ZNF790: variants seen among roughly 807,000 people sequenced by gnomAD.
The protein encoded by ZNF790 is zinc finger protein 790.
ZNF790 carries 8 observed loss-of-function variants against 12.1 expected under a neutral mutation model. The observed-to-expected ratio is 0.66, with a 90% confidence interval of 0.39 to 1.19. The LOEUF (loss-of-function observed/expected upper bound fraction) is 1.19, where lower values mean the gene tolerates loss of function less well. Ranked by LOEUF, ZNF790 falls within the 50% of genes most tolerant of loss-of-function variation. ZNF790 has a pLI of 0.01. For missense variants in ZNF790, 707 were observed against 752.2 expected (o/e 0.94, Z 0.70); for synonymous variants, 252 against 244.3 (o/e 1.03, Z -0.29).
intron 1 of ZNF790, among the ~76,000 whole-genome samples, chr19:36,836,531 G>A (rs1017714321): frequency 1.2e-4 from 19 of 152,114 alleles, no homozygotes; most frequent in African/African-American, 4.3e-4. Context: ...GGCCGAGGCG[G>A]GCGGATCACA....
At chr19:36,839,746 A>G (rs1314747605), upstream of ZNF790, among the ~76,000 whole-genome samples, 1 of 152,186 alleles carries the variant, frequency 6.6e-6, no homozygotes, top group Non-Finnish European at 1.5e-5. Context: ...TAGGGTATTA[A>G]TAATATCTTG....
At chr19:36,820,240 A>G in intron 4 of ZNF790, 126 bp from the exon 5 acceptor site, 1 of 964,010 alleles carries the variant, frequency 1.0e-6, no homozygotes, top group Non-Finnish European at 1.5e-6. Context: ...AAATTCTCAA[A>G]TATGAGCAAT....
At chr19:36,850,369 G>T (rs1373291384), upstream of ZNF790, 3 of 152,316 alleles carry the variant, frequency 2.0e-5, no homozygotes, top group African/African-American at 7.2e-5. Context: ...CGGGGTGAAA[G>T]AAAGCTTGCC....
chr19:36,827,471 G>A (rs2071852579), intron 1 of ZNF790, among the ~76,000 whole-genome samples: 1 of 151,998 alleles, frequency 6.6e-6, no homozygotes, highest in South Asian at 2.1e-4. Flanking sequence ...CTGTTTTTGC[G>A]ATTGTCTATT....
rs113612109 is a variant in ZNF790, at chr19:36,824,027, C to T, written c.10-237G>A. On this transcript the variant is annotated intron_variant, in intron 2 of 4. Transcript: ENST00000356725. ...TTTTTTTTTTTTGAGACAAGAGTCT[C>T]GCTCTGTCGCCCAGGCTGGAGTGCG... is the stretch of plus-strand genomic sequence containing the variant. 8.0e-3 allele frequency among the ~76,000 whole-genome samples: 1,021 copies of T among 127,448 alleles called. 13 individuals carry two copies. The highest frequency in any genetic ancestry group is 0.031 in the African/African-American group (982 of 31,344). The allele number at this position is 127,448 out of a possible 152,430, so 83.6% of individuals were successfully genotyped here.
intron 1 of ZNF790, among the ~76,000 whole-genome samples, chr19:36,832,337 G>A (rs1568340104): frequency 6.6e-6 from 1 of 152,218 alleles, no homozygotes; most frequent in Non-Finnish European, 1.5e-5. Flanking sequence ...ACACTGTGTA[G>A]CTGCCTCCTA....
chr19:36,843,911 G>A (rs1182572700), intron 1 of ZNF790, among the ~76,000 whole-genome samples: 1 of 151,524 alleles, frequency 6.6e-6, no homozygotes, highest in Non-Finnish European at 1.5e-5. Context: ...GGGAGGCTGA[G>A]GCAGGAGAGT....
At chr19:36,825,100 T>C (rs187256763) in intron 2 of ZNF790, among the ~76,000 whole-genome samples, 61 of 152,316 alleles carry the variant, frequency 4.0e-4, no homozygotes, top group African/African-American at 1.4e-3. Flanking sequence ...GTTAATGATA[T>C]TAACCTTTCA....
chr19:36,844,575 A>C (rs1421534272), intron 1 of ZNF790, among the ~76,000 whole-genome samples: 1 of 152,132 alleles, frequency 6.6e-6, no homozygotes, highest in Non-Finnish European at 1.5e-5. Flanking sequence ...AATGGCAAGG[A>C]ATTTCCCAAA....
In ZNF790 at chr19:36,820,082, A is replaced by G; in HGVS notation, c.262T>C (p.Leu88=). The change falls in exon 5 of 5, where the codon TTA becomes CTA. Residue 88 remains leucine (L), a synonymous_variant. Coordinates refer to ENST00000356725, the MANE Select transcript of ZNF790 (RefSeq NM_206894.4). ...CTCTCAAAAATGCCATTTTTTGGTA[A>G]TAACTTCTTGGTCTGACACCTCGAC... is the stretch of plus-strand genomic sequence containing the variant. ...MQSRCQTKKL[L]PKNGIFEREI... 1.2e-6 allele frequency: 2 copies of G among 1,607,500 alleles called. No homozygotes were observed. Among genetic ancestry groups the G allele is most frequent in the Middle Eastern group, 1.6e-4 (1 of 6,062 alleles).
At chr19:36,826,312 G>A (rs139344198) in intron 1 of ZNF790, among the ~76,000 whole-genome samples, 7 of 152,032 alleles carry the variant, frequency 4.6e-5, no homozygotes, top group Non-Finnish European at 1.5e-5. Context: ...TTGGCCGGGC[G>A]TGGTGGCTCT....
chr19:36,840,610 G>A (rs889937338), upstream of ZNF790, among the ~76,000 whole-genome samples: 3 of 152,124 alleles, frequency 2.0e-5, no homozygotes, highest in Admixed American at 6.6e-5. Flanking sequence ...CATACTGTTT[G>A]TACAAAAAGT....
intron 1 of ZNF790, among the ~76,000 whole-genome samples, chr19:36,845,516 T>C (rs745639391): frequency 6.6e-6 from 1 of 152,080 alleles, no homozygotes; most frequent in South Asian, 2.1e-4. Context: ...CTCTGGGGTT[T>C]TGAATGTATG....
At chr19:36,829,042 AG>A (rs1336295687) in intron 1 of ZNF790, among the ~76,000 whole-genome samples, 1 of 152,190 alleles carries the variant, frequency 6.6e-6, no homozygotes, top group Admixed American at 6.5e-5. Flanking sequence ...TGTCAAAAGG[AG>A]GTGGTAAAAG....
chr19:36,826,178 T>A (rs2071792573), intron 1 of ZNF790, among the ~76,000 whole-genome samples: 1 of 152,196 alleles, frequency 6.6e-6, no homozygotes, highest in South Asian at 2.1e-4. Flanking sequence ...CTCTGCCTCC[T>A]GTGTTTTCAT....
At chr19:36,824,298 A>G (rs1039499814) in intron 2 of ZNF790, among the ~76,000 whole-genome samples, 1 of 150,782 alleles carries the variant, frequency 6.6e-6, no homozygotes, top group African/African-American at 2.4e-5. Context: ...CACCCAGCCT[A>G]CATGCTCCTT....
chr19:36,834,856 T>C (rs1337010425), intron 1 of ZNF790, among the ~76,000 whole-genome samples: 1 of 151,978 alleles, frequency 6.6e-6, no homozygotes, highest in African/African-American at 2.4e-5. Context: ...ACAAGGCAAA[T>C]ACAAACAAAA....
intron 4 of ZNF790, among the ~76,000 whole-genome samples, chr19:36,820,912 T>A (rs1333967310): frequency 1.3e-5 from 2 of 148,312 alleles, no homozygotes; most frequent in Non-Finnish European, 1.5e-5. Context: ...TTTTTTTTTT[T>A]AATACTTTGA....
chr19:36,830,408 A>G (rs892242569), intron 1 of ZNF790, among the ~76,000 whole-genome samples: 1 of 152,126 alleles, frequency 6.6e-6, no homozygotes, highest in African/African-American at 2.4e-5. Context: ...ATGTTATATA[A>G]TTCATTTTAG....
Sources: gnomAD v4.1 joint callset for allele counts (sites outside exome capture counted in the v4.1 genomes callset) on GRCh38, gnomAD v4.1.1 for gene constraint, MANE v1.5 for transcripts, NCBI Gene and HGNC (gene_info 2026-07-23, HGNC 2026-07-21) for gene names.